Variants in C6 observed in about 807,000 individuals in gnomAD.
C6 encodes complement component C6.
In C6, 101 loss-of-function variants were observed where a neutral mutation model predicts 112.9. That is an observed-to-expected ratio of 0.89 (90% CI 0.76 to 1.06). C6 has a LOEUF of 1.06. Among genes scored for constraint, C6 ranks in the 50% least tolerant of loss-of-function variants. The pLI is 0.00. For missense variants in C6, 1,202 were observed against 1,104.6 expected (o/e 1.09, Z -1.25); for synonymous variants, 431 against 384.1 (o/e 1.12, Z -1.43).
intron 6 of C6, among the ~76,000 whole-genome samples, chr5:41,184,674 G>A: frequency 6.6e-6 from 1 of 152,036 alleles, no homozygotes; most frequent in Non-Finnish European, 1.5e-5. Flanking sequence ...GTTTCATCAT[G>A]TTGCCCAGAC....
chr5:41,218,332 C>G (rs770514815), upstream of C6, among the ~76,000 whole-genome samples: 1 of 151,812 alleles, frequency 6.6e-6, no homozygotes. Flanking sequence ...TTTTTATTCA[C>G]GAATTTTGCA....
intron 5 of C6, among the ~76,000 whole-genome samples, chr5:41,188,320 G>A (rs982023362): frequency 6.6e-5 from 10 of 152,018 alleles, no homozygotes; most frequent in African/African-American, 1.4e-4. Context: ...CAAGAGAATC[G>A]TGAGAAAGAA....
chr5:41,253,758 C>T (rs1554038138), intron 1 of C6, among the ~76,000 whole-genome samples: 1 of 152,102 alleles, frequency 6.6e-6, no homozygotes, highest in Non-Finnish European at 1.5e-5. Context: ...TCAACATCAA[C>T]AATAAAGAAA....
At chr5:41,162,480 G>A (rs1276891687) in intron 9 of C6, among the ~76,000 whole-genome samples, 3 of 152,160 alleles carry the variant, frequency 2.0e-5, no homozygotes, top group Non-Finnish European at 2.9e-5. Flanking sequence ...TTGGCACAAT[G>A]TTTCTTTAGA....
intron 6 of C6, among the ~76,000 whole-genome samples, chr5:41,185,706 C>T (rs1000782266): frequency 6.6e-6 from 1 of 152,100 alleles, no homozygotes; most frequent in African/African-American, 2.4e-5. Context: ...TCTAAGAGCA[C>T]TACCTAGGTT....
chr5:41,230,025 A>C (rs753464297), intron 1 of C6, among the ~76,000 whole-genome samples: 2 of 152,172 alleles, frequency 1.3e-5, no homozygotes, highest in Non-Finnish European at 1.5e-5. Flanking sequence ...TAAATTGTGA[A>C]GATTTCATGG....
At chr5:41,193,890 T>C (rs922787926) in intron 5 of C6, among the ~76,000 whole-genome samples, 12 of 150,152 alleles carry the variant, frequency 8.0e-5, no homozygotes, top group African/African-American at 2.9e-4. Context: ...AAGATTACAG[T>C]AAGCAATTCT....
At chr5:41,257,681 C>T (rs1741805049) in intron 1 of C6, among the ~76,000 whole-genome samples, 1 of 152,174 alleles carries the variant, frequency 6.6e-6, no homozygotes, top group Admixed American at 6.5e-5. Flanking sequence ...AACCATATCA[C>T]ATCTACTCAC....
intron 1 of C6, among the ~76,000 whole-genome samples, chr5:41,256,958 G>A (rs1170645900): frequency 6.6e-6 from 1 of 152,306 alleles, no homozygotes; most frequent in African/African-American, 2.4e-5. Flanking sequence ...CAGTTTGGAT[G>A]AGGCTTTCAT....
upstream of C6, among the ~76,000 whole-genome samples, chr5:41,214,955 T>C (rs1752144568): frequency 6.6e-6 from 1 of 152,086 alleles, no homozygotes; most frequent in Non-Finnish European, 1.5e-5. Flanking sequence ...ATCCTTGAGA[T>C]GGAATGCGAA....
At chr5:41,208,763 T>C (rs913969038) in intron 1 of C6, among the ~76,000 whole-genome samples, 21 of 152,082 alleles carry the variant, frequency 1.4e-4, no homozygotes, top group Non-Finnish European at 3.1e-4. Context: ...CAGGACCAGA[T>C]GGATTCACAG....
intron 6 of C6, among the ~76,000 whole-genome samples, chr5:41,185,637 C>T (rs1047089528): frequency 6.6e-6 from 1 of 152,018 alleles, no homozygotes; most frequent in African/African-American, 2.4e-5. Context: ...TAGACTGACT[C>T]ATCATGATTT....
In C6 at chr5:41,161,719, C is replaced by T. The variant is rs866430363; in HGVS notation, c.1432G>A (p.Glu478Lys). ...TCAAAGTCAATCACAGCAGGATTTTCCTTCACTGATTCTAACCACTCAGAA... is the reference window on the plus strand; with the variant it reads ...TCAAAGTCAATCACAGCAGGATTTTTCTTCACTGATTCTAACCACTCAGAA... ...TFSEWLESVKENPAVIDFELA... is the reference protein window; with the variant it reads ...TFSEWLESVKKNPAVIDFELA... The change falls in exon 10 of 18, where the codon GAA becomes AAA. Residue 478 changes from glutamate (E) to lysine (K), a missense_variant. Glu to Lys is a moderately conservative substitution (Grantham distance 56). Coordinates refer to ENST00000337836, the MANE Select transcript of C6 (RefSeq NM_000065.5). The T allele has an allele frequency of 2.5e-6, 4 of 1,613,456 alleles. No individual in the cohort carries two copies. Among genetic ancestry groups the T allele is most frequent in the East Asian group, 2.2e-5 (1 of 44,854 alleles).
chr5:41,150,367 A>C (rs1746274176), intron 15 of C6, among the ~76,000 whole-genome samples: 1 of 152,230 alleles, frequency 6.6e-6, no homozygotes. Context: ...TAGATTGAGC[A>C]TAAACTGACC....
At chr5:41,232,611 T>C (rs1325326825) in intron 1 of C6, among the ~76,000 whole-genome samples, 3 of 152,134 alleles carry the variant, frequency 2.0e-5, no homozygotes, top group Non-Finnish European at 4.4e-5. Context: ...TTCTGATTAG[T>C]AAAGTTATGT....
chr5:41,238,364 C>T (rs1224626980), intron 1 of C6, among the ~76,000 whole-genome samples: 1 of 151,724 alleles, frequency 6.6e-6, no homozygotes, highest in Non-Finnish European at 1.5e-5. Flanking sequence ...CAGCATGGTA[C>T]TGGTACCAAA....
At chr5:41,157,670 C>G (rs1429496111) in intron 13 of C6, among the ~76,000 whole-genome samples, 1 of 152,158 alleles carries the variant, frequency 6.6e-6, no homozygotes, top group East Asian at 1.9e-4. Flanking sequence ...CCAGCAGCAT[C>G]CATATTACCT....
intron 1 of C6, among the ~76,000 whole-genome samples, chr5:41,207,447 G>C (rs1217791427): frequency 6.6e-6 from 1 of 152,262 alleles, no homozygotes; most frequent in Admixed American, 6.5e-5. Context: ...TGGATAAAGA[G>C]TCAAGACCCA....
intron 1 of C6, among the ~76,000 whole-genome samples, chr5:41,204,751 G>A (rs1751301066): frequency 7.0e-6 from 1 of 142,226 alleles, no homozygotes; most frequent in African/African-American, 2.7e-5. Flanking sequence ...CTCACTGCAA[G>A]CTCTGCCTCC....
Sources: gnomAD v4.1 joint callset for allele counts (sites outside exome capture counted in the v4.1 genomes callset) on GRCh38, gnomAD v4.1.1 for gene constraint, MANE v1.5 for transcripts, NCBI Gene and HGNC (gene_info 2026-07-23, HGNC 2026-07-21) for gene names.